CD96: variants seen among roughly 807,000 people sequenced by gnomAD.
The protein encoded by CD96 is CD96 molecule, also known as T-cell surface protein tactile.
A neutral mutation model predicts 71.3 loss-of-function variants in CD96; 70 were observed. That is an observed-to-expected ratio of 0.98 (90% confidence interval 0.81 to 1.20). CD96 has a LOEUF of 1.20. Among genes scored for constraint, CD96 ranks in the 50% most tolerant of loss-of-function variants. The pLI is 0.00. For missense variants in CD96, 742 were observed against 677.5 expected (o/e 1.10, Z -1.06); for synonymous variants, 248 against 233.0 (o/e 1.06, Z -0.59).
At chr3:111,649,081 A>C (rs1384190471) in intron 13 of CD96, among the ~76,000 whole-genome samples, 1 of 152,230 alleles carries the variant, frequency 6.6e-6, no homozygotes, top group Non-Finnish European at 1.5e-5. Flanking sequence ...CCCGCAGTAC[A>C]TAGTGAGTGT....
At chr3:111,627,212 TATGGACAGAA>T (rs1431464279) in intron 10 of CD96, among the ~76,000 whole-genome samples, 6 of 152,192 alleles carry the variant, frequency 3.9e-5, no homozygotes, top group Admixed American at 6.5e-5. Flanking sequence ...AGCTGTATTC[TATGGACAGAA>T]CTCTGATGTC....
chr3:111,612,120 T>C (rs1441694968), intron 8 of CD96, among the ~76,000 whole-genome samples: 1 of 152,180 alleles, frequency 6.6e-6, no homozygotes, highest in Non-Finnish European at 1.5e-5. Context: ...GCTTTTTTTG[T>C]ATGTGGGAAA....
At position 111,606,007 on chromosome 3, in the gene CD96, C is replaced by T. The variant is rs182655591; in HGVS notation, c.1088-693C>T. On this transcript the variant is annotated intron_variant, in intron 7 of 13. Coordinates refer to ENST00000352690, the MANE Select transcript of CD96 (RefSeq NM_005816.5). ...AGCCTTCTGGCATTTGTAAATTGTC[C>T]TTCCAATAGGACTATTTTTAAATAC... Among the ~76,000 whole-genome samples, 961 of 152,226 alleles carry T rather than the reference C, an allele frequency of 6.3e-3. 12 individuals are homozygous for T. Among genetic ancestry groups the T allele is most frequent in the South Asian group, 0.033 (158 of 4,814 alleles).
At chr3:111,657,767 C>T (rs1036939270) in intron 14 of CD96, among the ~76,000 whole-genome samples, 3 of 151,758 alleles carry the variant, frequency 2.0e-5, no homozygotes, top group Non-Finnish European at 4.4e-5. Flanking sequence ...CTCATGATTT[C>T]CACAATATGT....
At chr3:111,665,909 C>T (rs925634063), downstream of CD96, among the ~76,000 whole-genome samples, 7 of 152,206 alleles carry the variant, frequency 4.6e-5, no homozygotes, top group African/African-American at 1.7e-4. Context: ...ACAGAACCTC[C>T]TCCTACAGGA....
At chr3:111,546,913 G>GACATATACAC (rs1934432328) in intron 2 of CD96, among the ~76,000 whole-genome samples, 3 of 51,942 alleles carry the variant, frequency 5.8e-5, no homozygotes, top group African/African-American at 2.1e-4. Flanking sequence ...CACACACACA[G>GACATATACAC]ACACATACAC....
chr3:111,557,894 T>C (rs1346863051), intron 2 of CD96, among the ~76,000 whole-genome samples: 1 of 138,704 alleles, frequency 7.2e-6, no homozygotes, highest in Non-Finnish European at 1.6e-5. Context: ...AGCAGTGGTT[T>C]GTAGTTCTCC....
At chr3:111,621,359 G>T (rs1185448667) in intron 8 of CD96, among the ~76,000 whole-genome samples, 1 of 152,168 alleles carries the variant, frequency 6.6e-6, no homozygotes, top group Non-Finnish European at 1.5e-5. Flanking sequence ...AGAGAGAGAA[G>T]GTAGGGGAGG....
chr3:111,649,419 C>T (rs1362656419), intron 13 of CD96, among the ~76,000 whole-genome samples: 2 of 152,132 alleles, frequency 1.3e-5, no homozygotes, highest in Non-Finnish European at 2.9e-5. Context: ...TAAAAATGCT[C>T]AGTTTTATCT....
chr3:111,598,874 A>G (rs1209692044), intron 6 of CD96, among the ~76,000 whole-genome samples: 2 of 152,174 alleles, frequency 1.3e-5, no homozygotes, highest in African/African-American at 4.8e-5. Flanking sequence ...AACAACAGCT[A>G]TTCTCCTTTC....
Position 111,579,139 on chromosome 3 carries a change from C to A in CD96, c.656C>A (p.Pro219Gln), listed in dbSNP as rs1936352766. 2 of 1,601,244 alleles carry A rather than the reference C, an allele frequency of 1.2e-6. No homozygotes were observed. ...LGTDYRLHLS[P>Q]VQIFDDGRKF... ...ACAGACTACAGACTCCACCTCTCTC[C>A]AGTCCAAATCTTCGATGATGGGCGG... is the stretch of plus-strand genomic sequence containing the variant. The change falls in exon 4 of 14, where the codon CCA (proline) becomes CAA (glutamine). Residue 219 changes from proline to glutamine, a missense_variant. Coordinates refer to ENST00000352690, the MANE Select transcript of CD96 (RefSeq NM_005816.5).
chr3:111,546,579 T>C (rs62273542), intron 2 of CD96, among the ~76,000 whole-genome samples: 18,116 of 152,198 alleles, frequency 0.12, 1,170 homozygotes, highest in Non-Finnish European at 0.13. Context: ...TAAATGATTT[T>C]CATTTCTGCT....
At chr3:111,609,841 A>G (rs1322529469) in intron 8 of CD96, among the ~76,000 whole-genome samples, 1 of 152,160 alleles carries the variant, frequency 6.6e-6, no homozygotes, top group Non-Finnish European at 1.5e-5. Context: ...GTGGTTGTCA[A>G]CCAGGGTAAT....
chr3:111,603,800 A>G (rs982523834), intron 7 of CD96, among the ~76,000 whole-genome samples: 1 of 152,196 alleles, frequency 6.6e-6, no homozygotes, highest in Non-Finnish European at 1.5e-5. Context: ...GAGGAGTAAT[A>G]AAAAGATATC....
intron 12 of CD96, among the ~76,000 whole-genome samples, chr3:111,641,478 G>A (rs927905750): frequency 7.2e-5 from 11 of 152,082 alleles, no homozygotes; most frequent in Non-Finnish European, 5.9e-5. Flanking sequence ...ACCTAATATT[G>A]GAGCTCCCAA....
intron 6 of CD96, among the ~76,000 whole-genome samples, chr3:111,598,626 A>C (rs536336650): frequency 6.6e-6 from 1 of 152,374 alleles, no homozygotes. Flanking sequence ...TAAATCAGCC[A>C]ATAAATAATT....
chr3:111,569,540 A>G (rs1935877237), intron 3 of CD96, among the ~76,000 whole-genome samples: 1 of 152,220 alleles, frequency 6.6e-6, no homozygotes, highest in Admixed American at 6.5e-5. Flanking sequence ...TTAGTAATGA[A>G]ATGCATAGCT....
At chr3:111,652,404 A>G (rs950985832), downstream of CD96, 7 of 152,026 alleles carry the variant, frequency 4.6e-5, no homozygotes, top group Non-Finnish European at 1.0e-4. Context: ...GTTTTACTAT[A>G]ATATATGAAT....
intron 5 of CD96, among the ~76,000 whole-genome samples, chr3:111,586,163 GTTA>G (rs540743374): frequency 6.6e-6 from 1 of 151,948 alleles, no homozygotes; most frequent in Non-Finnish European, 1.5e-5. Context: ...TCTTGTTTTT[GTTA>G]TTATTATTAT....
Sources: allele counts gnomAD v4.1 joint callset (sites outside exome capture counted in the v4.1 genomes callset), GRCh38; gene constraint gnomAD v4.1.1; transcripts MANE v1.5; gene names NCBI Gene and HGNC (gene_info 2026-07-23, HGNC 2026-07-21).